Variants in CNTN5 observed in about 807,000 individuals in gnomAD.
CNTN5 encodes the protein contactin 5.
In CNTN5, 77 loss-of-function variants were observed where a neutral mutation model predicts 129.1. That is an observed-to-expected ratio of 0.60 (90% confidence interval 0.50 to 0.72). The LOEUF is 0.72. Among genes scored for constraint, CNTN5 ranks in the 30% least tolerant of loss-of-function variants. The pLI, the probability that CNTN5 is intolerant of heterozygous loss-of-function variation, is 0.00. For missense variants in CNTN5, 1,478 were observed against 1,328.8 expected (o/e 1.11, Z -1.75); for synonymous variants, 509 against 465.6 (o/e 1.09, Z -1.20).
At chr11:99,375,518 A>T in intron 2 of CNTN5, among the ~76,000 whole-genome samples, 1 of 152,276 alleles carries the variant, frequency 6.6e-6, no homozygotes, top group African/African-American at 2.4e-5. Context: ...ACAATAAATC[A>T]AAGTTCTTGG....
At chr11:99,721,025 G>A (rs1490795841) in intron 3 of CNTN5, among the ~76,000 whole-genome samples, 2 of 152,100 alleles carry the variant, frequency 1.3e-5, no homozygotes, top group Non-Finnish European at 2.9e-5. Flanking sequence ...TATTTTCATG[G>A]AAAGGAATAA....
intron 2 of CNTN5, among the ~76,000 whole-genome samples, chr11:99,507,522 C>CA (rs1946672763): frequency 6.6e-6 from 1 of 150,928 alleles, no homozygotes. Flanking sequence ...ATTTATTGAC[C>CA]AAAAAATGGG....
At chr11:100,277,762 G>A (rs2138806576) in intron 18 of CNTN5, among the ~76,000 whole-genome samples, 1 of 151,994 alleles carries the variant, frequency 6.6e-6, no homozygotes, top group Admixed American at 6.5e-5. Flanking sequence ...CTCCCATTCT[G>A]TGGGTTGTCT....
At chr11:99,071,607 A>G (rs1386479940) in intron 1 of CNTN5, among the ~76,000 whole-genome samples, 1 of 152,132 alleles carries the variant, frequency 6.6e-6, no homozygotes, top group South Asian at 2.1e-4. Context: ...GCATCAGAAA[A>G]TTTTAAAGTC....
intron 3 of CNTN5, among the ~76,000 whole-genome samples, chr11:99,787,450 G>A (rs1411120977): frequency 2.0e-5 from 3 of 150,630 alleles, no homozygotes; most frequent in Non-Finnish European, 4.4e-5. Flanking sequence ...TATATTTTTA[G>A]CAGTGAGAAT....
At chr11:99,243,483 A>G (rs960220682) in intron 1 of CNTN5, among the ~76,000 whole-genome samples, 1 of 151,940 alleles carries the variant, frequency 6.6e-6, no homozygotes, top group Non-Finnish European at 1.5e-5. Flanking sequence ...TTACTTGTCA[A>G]TTGTAGTTTT....
intron 3 of CNTN5, among the ~76,000 whole-genome samples, chr11:99,632,845 G>A (rs1487876961): frequency 6.6e-6 from 1 of 152,012 alleles, no homozygotes; most frequent in Non-Finnish European, 1.5e-5. Flanking sequence ...ATTCAGAAGA[G>A]TTTTGTTGAA....
intron 7 of CNTN5, among the ~76,000 whole-genome samples, chr11:99,944,645 GATAA>G (rs1413060499): frequency 6.6e-6 from 1 of 152,086 alleles, no homozygotes; most frequent in African/African-American, 2.4e-5. Context: ...TCCTTAAGCT[GATAA>G]ACAACTTCAG....
intron 17 of CNTN5, among the ~76,000 whole-genome samples, chr11:100,264,380 C>A (rs1456949012): frequency 6.6e-6 from 1 of 151,974 alleles, no homozygotes; most frequent in Non-Finnish European, 1.5e-5. Context: ...GATGCTCTCT[C>A]CTCCCCTCAT....
intron 1 of CNTN5, among the ~76,000 whole-genome samples, chr11:99,080,187 A>G (rs1010963667): frequency 2.0e-5 from 3 of 152,232 alleles, no homozygotes; most frequent in African/African-American, 7.2e-5. Context: ...AATTGCATTT[A>G]GCATAAGACT....
At chr11:100,222,660 A>C (rs1308567563) in intron 15 of CNTN5, among the ~76,000 whole-genome samples, 1 of 152,066 alleles carries the variant, frequency 6.6e-6, no homozygotes, top group African/African-American at 2.4e-5. Flanking sequence ...AGCAAATAAA[A>C]AAAAAAGCCA....
At chr11:100,208,399 G>A (rs756824297) in intron 15 of CNTN5, among the ~76,000 whole-genome samples, 28 of 152,080 alleles carry the variant, frequency 1.8e-4, no homozygotes, top group Non-Finnish European at 2.9e-4. Flanking sequence ...GGGGCTGCTG[G>A]AGGAAGTGAG....
chr11:99,058,678 CCT>C (rs1864736967), intron 1 of CNTN5, among the ~76,000 whole-genome samples: 1 of 151,790 alleles, frequency 6.6e-6, no homozygotes, highest in Admixed American at 6.6e-5. Context: ...TGCTGTGTGT[CCT>C]ATGCTTGCTT....
intron 15 of CNTN5, among the ~76,000 whole-genome samples, chr11:100,197,236 C>CTGTT (rs1948662341): frequency 6.6e-6 from 1 of 151,900 alleles, no homozygotes; most frequent in Non-Finnish European, 1.5e-5. Flanking sequence ...CAATAAGTCA[C>CTGTT]TGTTTGTTGA....
At chr11:100,247,786 T>C (rs1325207050) in intron 16 of CNTN5, among the ~76,000 whole-genome samples, 1 of 114,316 alleles carries the variant, frequency 8.7e-6, no homozygotes, top group Non-Finnish European at 2.0e-5. Context: ...TTAAATATTA[T>C]TTTTTATTGA....
chr11:100,237,203 A>AG (rs1368559679), intron 16 of CNTN5, among the ~76,000 whole-genome samples: 6 of 151,454 alleles, frequency 4.0e-5, no homozygotes, highest in African/African-American at 9.7e-5. Flanking sequence ...AAAAAAAAAA[A>AG]AAAAAGAAAA....
intron 2 of CNTN5, among the ~76,000 whole-genome samples, chr11:99,351,398 T>A (rs1050857245): frequency 6.6e-6 from 1 of 152,240 alleles, no homozygotes; most frequent in Non-Finnish European, 1.5e-5. Flanking sequence ...CTCTGTGGGA[T>A]GGAACTGCTG....
intron 2 of CNTN5, among the ~76,000 whole-genome samples, chr11:99,469,789 T>C (rs898392452): frequency 2.6e-5 from 4 of 152,146 alleles, no homozygotes; most frequent in African/African-American, 9.7e-5. Flanking sequence ...AATATCTATG[T>C]ACCTTTAAGC....
chr11:99,251,411 T>A (rs888486421), intron 1 of CNTN5, among the ~76,000 whole-genome samples: 1 of 151,880 alleles, frequency 6.6e-6, no homozygotes, highest in Admixed American at 6.6e-5. Context: ...TTGTTTTAAA[T>A]GTCTAGAAGA....
Sources: allele counts gnomAD v4.1 joint callset (sites outside exome capture counted in the v4.1 genomes callset), GRCh38; gene constraint gnomAD v4.1.1; transcripts MANE v1.5; gene names NCBI Gene and HGNC (gene_info 2026-07-23, HGNC 2026-07-21).